PSD3: variants seen among roughly 807,000 people sequenced by gnomAD.
The protein encoded by PSD3 is pleckstrin and Sec7 domain containing 3.
A neutral mutation model predicts 105.5 loss-of-function variants in PSD3; 49 were observed. The ratio of observed to expected loss-of-function variants is 0.46; its 90% CI spans 0.37 to 0.59. The LOEUF (loss-of-function observed/expected upper bound fraction) is 0.59. Among genes scored for constraint, PSD3 ranks in the 20% least tolerant of loss-of-function variants. PSD3 has a pLI of 0.00. For missense variants in PSD3, 1,561 were observed against 1,263.8 expected (o/e 1.24, Z -3.57); for synonymous variants, 557 against 457.8 (o/e 1.22, Z -2.77).
At chr8:18,602,941 C>T (rs1354406794) in intron 11 of PSD3, among the ~76,000 whole-genome samples, 2 of 152,240 alleles carry the variant, frequency 1.3e-5, no homozygotes, top group Admixed American at 1.3e-4. Context: ...ATTAAACACA[C>T]AGAGGTCCGT....
Position 18,629,318 on chromosome 8 carries a change from C to T in PSD3, c.2410+3295G>A, listed in dbSNP as rs550270632. Among the ~76,000 whole-genome samples the T allele has an allele frequency of 1.3e-4, 20 of 151,974 alleles. No homozygotes were observed. The East Asian group carries it at 3.9e-3, about 29-fold the overall frequency. On this transcript the variant is annotated intron_variant, in intron 11 of 15. Transcript: ENST00000327040. ...CTTAAAAAGTTAAAGATATATTTAG[C>T]ATATGGTGAAGCAATCTTACTCTTT...
At chr8:18,992,331 ATCT>A (rs1205912436) in intron 1 of PSD3, among the ~76,000 whole-genome samples, 12 of 151,988 alleles carry the variant, frequency 7.9e-5, no homozygotes, top group Non-Finnish European at 1.8e-4. Context: ...AAATCTTCTA[ATCT>A]TCTGTTCAAA....
chr8:18,948,975 T>C (rs1419651111), intron 1 of PSD3, among the ~76,000 whole-genome samples: 1 of 151,560 alleles, frequency 6.6e-6, no homozygotes, highest in Non-Finnish European at 1.5e-5. Context: ...TACCTAGAAC[T>C]GCACCTTACA....
At chr8:19,074,592 CATATATATAT>C (rs1240382273) in intron 1 of PSD3, among the ~76,000 whole-genome samples, 880 of 65,946 alleles carry the variant, frequency 0.013, 95 homozygotes, top group African/African-American at 0.032. Flanking sequence ...CAGATATATA[CATATATATAT>C]ATATATATAT....
intron 12 of PSD3, among the ~76,000 whole-genome samples, chr8:18,589,258 C>T (rs569286812): frequency 2.6e-4 from 40 of 152,238 alleles, no homozygotes; most frequent in African/African-American, 5.8e-4. Flanking sequence ...TATGAGATAG[C>T]CAGCCACCTA....
intron 4 of PSD3, 88 bp from the exon 5 acceptor site, chr8:18,804,986 T>G (rs1811076909): frequency 3.5e-6 from 4 of 1,132,032 alleles, no homozygotes; most frequent in Non-Finnish European, 5.0e-6. Flanking sequence ...TAGTTTTCTT[T>G]TAGTTCAGCT....
intron 2 of PSD3, among the ~76,000 whole-genome samples, chr8:18,886,391 G>A (rs989729729): frequency 2.0e-5 from 3 of 152,064 alleles, no homozygotes; most frequent in South Asian, 2.1e-4. Context: ...TGGTTGGCGC[G>A]GGCATCCCCG....
intron 9 of PSD3, among the ~76,000 whole-genome samples, chr8:18,723,227 T>C (rs530735074): frequency 7.4e-4 from 113 of 152,320 alleles, no homozygotes; most frequent in Non-Finnish European, 1.5e-3. Context: ...ACGTGTGTTC[T>C]AGCTTGTTTG....
At chr8:19,081,153 A>T (rs1005048220) in intron 1 of PSD3, among the ~76,000 whole-genome samples, 15 of 152,202 alleles carry the variant, frequency 9.9e-5, no homozygotes, top group Non-Finnish European at 2.1e-4. Flanking sequence ...TCACACTGAC[A>T]GACTCACCAC....
intron 1 of PSD3, among the ~76,000 whole-genome samples, chr8:19,053,981 A>G (rs1051882470): frequency 6.6e-6 from 1 of 152,224 alleles, no homozygotes; most frequent in East Asian, 1.9e-4. Context: ...TAGTTAAGCC[A>G]AAAGAGGACT....
chr8:18,879,330 A>T (rs560586122), intron 2 of PSD3, among the ~76,000 whole-genome samples: 2 of 152,290 alleles, frequency 1.3e-5, no homozygotes, highest in African/African-American at 4.8e-5. Context: ...GCCCTGCGTG[A>T]CAGATTGCTT....
At chr8:18,568,449 G>A (rs1383969093) in intron 14 of PSD3, among the ~76,000 whole-genome samples, 1 of 151,830 alleles carries the variant, frequency 6.6e-6, no homozygotes. Flanking sequence ...AAGAAGCAAG[G>A]GGGGAAATCA....
intron 1 of PSD3, among the ~76,000 whole-genome samples, chr8:19,034,824 G>A (rs559115358): frequency 3.3e-5 from 5 of 152,194 alleles, no homozygotes; most frequent in South Asian, 2.1e-4. Context: ...CAAAACTCCC[G>A]TTCTTCCACT....
chr8:19,040,343 C>T (rs1411567338), intron 1 of PSD3, among the ~76,000 whole-genome samples: 2 of 152,032 alleles, frequency 1.3e-5, no homozygotes, highest in Non-Finnish European at 2.9e-5. Flanking sequence ...CTGGGGCTAC[C>T]ACAGGCACGC....
At chr8:18,818,830 C>A (rs143022862) in intron 4 of PSD3, among the ~76,000 whole-genome samples, 88 of 152,148 alleles carry the variant, frequency 5.8e-4, no homozygotes, top group African/African-American at 2.0e-3. Context: ...GTCAGAACCT[C>A]CTAACAGATT....
intron 8 of PSD3, among the ~76,000 whole-genome samples, chr8:18,787,535 C>T (rs936624564): frequency 2.0e-5 from 3 of 152,078 alleles, no homozygotes; most frequent in African/African-American, 7.2e-5. Context: ...CCCAAAATTC[C>T]AGGCAGGCCC....
chr8:18,720,768 A>G (rs1563198223), intron 9 of PSD3: 1 of 152,198 alleles, frequency 6.6e-6, no homozygotes, highest in South Asian at 2.1e-4. Context: ...AGTGCGTTTT[A>G]AACACACACA....
At chr8:19,016,007 A>G (rs971076556), upstream of PSD3, among the ~76,000 whole-genome samples, 2 of 152,274 alleles carry the variant, frequency 1.3e-5, no homozygotes, top group African/African-American at 4.8e-5. Flanking sequence ...ATCAGCATAA[A>G]TTAGCCAGTG....
At position 18,801,389 on chromosome 8, in the gene PSD3, G is replaced by A. The variant is rs758005072; in HGVS notation, c.1911-7C>T. 7 of 1,537,720 alleles carry A rather than the reference G, an allele frequency of 4.6e-6. No homozygotes were observed. The highest frequency in any genetic ancestry group is 5.3e-6 in the Non-Finnish European group (6 of 1,121,614). On this transcript the variant is annotated splice_region_variant and splice_polypyrimidine_tract_variant and intron_variant, in intron 6 of 15. Transcript: ENST00000327040. ...GAATGCTTTAAAGAAATACCTACAA[G>A]AGAATTAAAAATTTAAACAGTGAAA...
Sources: gnomAD v4.1 joint callset for allele counts (sites outside exome capture counted in the v4.1 genomes callset) on GRCh38, gnomAD v4.1.1 for gene constraint, MANE v1.5 for transcripts, NCBI Gene and HGNC (gene_info 2026-07-23, HGNC 2026-07-21) for gene names.